IGF1R: variants seen among roughly 807,000 people sequenced by gnomAD.
IGF1R encodes the protein insulin-like growth factor 1 receptor.
A neutral mutation model predicts 144.6 loss-of-function variants in IGF1R; 44 were observed. The observed-to-expected ratio is 0.30, with a 90% CI of 0.24 to 0.39. The LOEUF (loss-of-function observed/expected upper bound fraction) is 0.39, where lower values mean the gene tolerates loss of function less well. IGF1R is among the 10% of genes least tolerant of loss of function. IGF1R has a pLI of 1.00. For synonymous variants in IGF1R, 795 were observed against 722.8 expected (o/e 1.10, Z -1.60); for missense variants, 1,355 against 1,833.7 (o/e 0.74, Z 4.77).
chr15:98,801,884 T>C (rs748863882), intron 2 of IGF1R, among the ~76,000 whole-genome samples: 3 of 152,210 alleles, frequency 2.0e-5, no homozygotes, highest in Non-Finnish European at 2.9e-5. Context: ...GCCAATGGAC[T>C]GAGCATCTTA....
At chr15:98,837,213 T>C (rs73481827) in intron 2 of IGF1R, among the ~76,000 whole-genome samples, 16,736 of 152,154 alleles carry the variant, frequency 0.11, 2,082 homozygotes, top group African/African-American at 0.31. Flanking sequence ...GTGTGCACCA[T>C]CACTAATTAG....
chr15:98,689,482 C>T (rs1452804304), intron 1 of IGF1R, among the ~76,000 whole-genome samples: 1 of 152,014 alleles, frequency 6.6e-6, no homozygotes, highest in Non-Finnish European at 1.5e-5. Flanking sequence ...CTGCCTTGGC[C>T]TCCCAAAGTG....
intron 2 of IGF1R, among the ~76,000 whole-genome samples, chr15:98,858,204 A>G (rs527322903): frequency 6.6e-6 from 1 of 152,350 alleles, no homozygotes; most frequent in African/African-American, 2.4e-5. Flanking sequence ...AAATTCTAAA[A>G]CAAAATTGAA....
At chr15:98,778,936 T>C (rs193106037) in intron 2 of IGF1R, among the ~76,000 whole-genome samples, 98 of 152,262 alleles carry the variant, frequency 6.4e-4, no homozygotes, top group African/African-American at 2.3e-3. Context: ...ACCAGCTGTC[T>C]TTCTTCTTAT....
rs117665255 is a variant in IGF1R at position 98,910,774 on chromosome 15, G to A, written c.1463-541G>A. Among the ~76,000 whole-genome samples the A allele has an allele frequency of 4.0e-3, 613 of 152,304 alleles. 3 individuals carry two copies. Among genetic ancestry groups the A allele is most frequent in the Middle Eastern group, 0.017 (5 of 294 alleles). ...TCAGCCCTAGCTGGAGGCCTCACAG[G>A]AGTTCCTGTGTCCTTCCAGTTTGAT... On this transcript the variant is annotated intron_variant, in intron 6 of 20. Coordinates refer to ENST00000650285, the MANE Select transcript of IGF1R (RefSeq NM_000875.5).
chr15:98,957,516 T>C lies in IGF1R; in HGVS notation c.*74T>C, dbSNP rs2017053812. 1 of 1,587,200 alleles carries C rather than the reference T, an allele frequency of 6.3e-7. No individual in the cohort carries two copies. Among genetic ancestry groups the C allele is most frequent in the African/African-American group, 1.3e-5 (1 of 74,462 alleles). On this transcript the variant is annotated 3_prime_UTR_variant, in exon 21 of 21. Transcript: ENST00000650285. ...CGGGGTGGGGGGGGAGAGAGAGTTT[T>C]AACAATCCATTCACAAGCCTCCTGT...
chr15:98,857,548 A>G (rs2011897677), intron 2 of IGF1R, among the ~76,000 whole-genome samples: 1 of 152,154 alleles, frequency 6.6e-6, no homozygotes, highest in African/African-American at 2.4e-5. Context: ...GTAAATACCC[A>G]AGGCTCACAG....
At chr15:98,919,953 A>G (rs1014684374) in intron 10 of IGF1R, among the ~76,000 whole-genome samples, 1 of 152,242 alleles carries the variant, frequency 6.6e-6, no homozygotes, top group African/African-American at 2.4e-5. Flanking sequence ...TTCCTTATAA[A>G]TTGTCCAGAA....
chr15:98,727,864 G>T (rs1017061762), intron 2 of IGF1R, among the ~76,000 whole-genome samples: 3 of 152,180 alleles, frequency 2.0e-5, no homozygotes, highest in African/African-American at 4.8e-5. Flanking sequence ...TGCGGGCCAG[G>T]CCGGGGCTGC....
chr15:98,872,753 A>G (rs1361989818), intron 2 of IGF1R, among the ~76,000 whole-genome samples: 1 of 152,138 alleles, frequency 6.6e-6, no homozygotes, highest in East Asian at 1.9e-4. Context: ...TTGCATGGGC[A>G]CAGCCTGCCA....
chr15:98,694,284 A>T (rs2141237445), intron 1 of IGF1R, among the ~76,000 whole-genome samples: 1 of 152,238 alleles, frequency 6.6e-6, no homozygotes, highest in East Asian at 1.9e-4. Flanking sequence ...CTCCTCAAAG[A>T]TGTCACTGCA....
At chr15:98,858,284 C>T (rs1468011063) in intron 2 of IGF1R, among the ~76,000 whole-genome samples, 1 of 151,410 alleles carries the variant, frequency 6.6e-6, no homozygotes, top group Admixed American at 6.6e-5. Context: ...TTGTAGTTTC[C>T]CCCCGCTTCG....
At chr15:98,733,153 G>A (rs148823803) in intron 2 of IGF1R, among the ~76,000 whole-genome samples, 216 of 152,314 alleles carry the variant, frequency 1.4e-3, no homozygotes, top group African/African-American at 5.1e-3. Flanking sequence ...ACAGTGATCC[G>A]AGGATTGGGT....
intron 2 of IGF1R, among the ~76,000 whole-genome samples, chr15:98,793,947 AT>A (rs1333686348): frequency 6.6e-6 from 1 of 152,176 alleles, no homozygotes; most frequent in Non-Finnish European, 1.5e-5. Flanking sequence ...AATGAGGGCA[AT>A]TTTTGATGGA....
intron 2 of IGF1R, among the ~76,000 whole-genome samples, chr15:98,751,521 G>GA (rs2055011291): frequency 6.6e-6 from 1 of 152,164 alleles, no homozygotes; most frequent in Non-Finnish European, 1.5e-5. Context: ...TGGGATGAAG[G>GA]AACCGTAACA....
intron 2 of IGF1R, chr15:98,821,067 T>G (rs1240295683): frequency 2.0e-5 from 3 of 152,196 alleles, no homozygotes; most frequent in Non-Finnish European, 2.9e-5. Flanking sequence ...TTGGCAGCAC[T>G]GAGTTACAAG....
intron 1 of IGF1R, among the ~76,000 whole-genome samples, chr15:98,685,526 C>T (rs2053304644): frequency 6.6e-6 from 1 of 152,190 alleles, no homozygotes; most frequent in South Asian, 2.1e-4. Context: ...TCTCTGTTAG[C>T]CAGCTGGGCA....
chr15:98,830,550 T>C (rs1286468368), intron 2 of IGF1R, among the ~76,000 whole-genome samples: 4 of 151,914 alleles, frequency 2.6e-5, no homozygotes, highest in Non-Finnish European at 2.9e-5. Flanking sequence ...CTTTTTTTTT[T>C]CCGGCTCATG....
intron 13 of IGF1R, among the ~76,000 whole-genome samples, chr15:98,928,465 C>CT (rs2015812088): frequency 6.6e-6 from 1 of 152,216 alleles, no homozygotes; most frequent in Admixed American, 6.5e-5. Flanking sequence ...ACTGCTGGGC[C>CT]TGAAAGCTTT....
Sources: allele counts gnomAD v4.1 joint callset (sites outside exome capture counted in the v4.1 genomes callset), GRCh38; gene constraint gnomAD v4.1.1; transcripts MANE v1.5; gene names NCBI Gene and HGNC (gene_info 2026-07-23, HGNC 2026-07-21).